Variants in TEAD1 observed in about 807,000 individuals in gnomAD.
TEAD1 encodes TEA domain transcription factor 1.
A neutral mutation model predicts 54.9 loss-of-function variants in TEAD1; 9 were observed. The observed-to-expected ratio is 0.16, with a 90% confidence interval of 0.10 to 0.29. The LOEUF (loss-of-function observed/expected upper bound fraction) is 0.29, where lower values mean the gene tolerates loss of function less well. TEAD1 is among the 10% of genes least tolerant of loss of function. The pLI is 1.00. For synonymous variants in TEAD1, 200 were observed against 187.8 expected (o/e 1.07, Z -0.53); for missense variants, 387 against 535.9 (o/e 0.72, Z 2.74).
intron 3 of TEAD1, among the ~76,000 whole-genome samples, chr11:12,815,844 C>T (rs1458253409): frequency 1.3e-5 from 2 of 152,150 alleles, no homozygotes; most frequent in East Asian, 1.9e-4. Flanking sequence ...TTGTTGCCTG[C>T]GGGTACAGAT....
intron 2 of TEAD1, among the ~76,000 whole-genome samples, chr11:12,715,225 G>T (rs1944030374): frequency 2.0e-5 from 3 of 152,042 alleles, no homozygotes; most frequent in African/African-American, 7.2e-5. Flanking sequence ...CCTTATTCCT[G>T]TAAATTCCAT....
At chr11:12,739,237 T>TC (rs1944601452) in intron 2 of TEAD1, among the ~76,000 whole-genome samples, 1 of 151,144 alleles carries the variant, frequency 6.6e-6, no homozygotes, top group Non-Finnish European at 1.5e-5. Flanking sequence ...TCTATCTATC[T>TC]ATCTATCAGT....
At chr11:12,820,027 A>G (rs980150101) in intron 3 of TEAD1, among the ~76,000 whole-genome samples, 43 of 8,874 alleles carry the variant, frequency 4.8e-3, no homozygotes, top group Admixed American at 0.018. Flanking sequence ...GGCCTGGGGC[A>G]GGGAGTTGTG....
At chr11:12,690,110 G>A (rs994814175) in intron 2 of TEAD1, among the ~76,000 whole-genome samples, 2 of 151,712 alleles carry the variant, frequency 1.3e-5, no homozygotes, top group African/African-American at 2.4e-5. Context: ...GCGTGGTGGC[G>A]GCCGCCTGTA....
chr11:12,837,349 C>T (rs1449978237), intron 3 of TEAD1, among the ~76,000 whole-genome samples: 2 of 152,130 alleles, frequency 1.3e-5, no homozygotes, highest in Non-Finnish European at 2.9e-5. Flanking sequence ...CTGCCCTGGG[C>T]CAGGCATCGG....
Position 12,809,974 on chromosome 11 carries a change from C to CTTTT in TEAD1, c.202+45561_202+45564dup, listed in dbSNP as rs55647097. ...AAAGAAAGAAAACTCTTTCCCCATT[C>CTTTT]TTTTTTTTTTTTTTTTTTTTTTTTG... On this transcript the variant is annotated intron_variant, in intron 3 of 12. Transcript: ENST00000527636. Among the ~76,000 whole-genome samples the CTTTT allele has an allele frequency of 6.1e-3, 710 of 115,502 alleles. 29 individuals are homozygous for CTTTT. Among genetic ancestry groups the CTTTT allele is most frequent in the African/African-American group, 0.022 (594 of 26,964 alleles). 75.8% of individuals were successfully genotyped at this position (115,502 alleles called of 152,430 possible).
intron 9 of TEAD1, among the ~76,000 whole-genome samples, chr11:12,886,118 A>C (rs1196730825): frequency 6.6e-6 from 1 of 152,222 alleles, no homozygotes; most frequent in Non-Finnish European, 1.5e-5. Flanking sequence ...ACAGGGAGAG[A>C]ATAAGGGAGC....
chr11:12,874,178 T>C (rs1181518119), intron 5 of TEAD1, among the ~76,000 whole-genome samples: 1 of 152,258 alleles, frequency 6.6e-6, no homozygotes. Context: ...TATCATATAT[T>C]GTATATGCAA....
chr11:12,784,236 C>T (rs1945627188), intron 3 of TEAD1, among the ~76,000 whole-genome samples: 1 of 152,054 alleles, frequency 6.6e-6, no homozygotes, highest in African/African-American at 2.4e-5. Flanking sequence ...GATGGCAGTG[C>T]CATTTATAGA....
intron 10 of TEAD1, among the ~76,000 whole-genome samples, chr11:12,920,043 CAG>C (rs1948776065): frequency 6.6e-6 from 1 of 152,150 alleles, no homozygotes; most frequent in Non-Finnish European, 1.5e-5. Flanking sequence ...GATGAGGAAA[CAG>C]AACTTTTTTT....
intron 10 of TEAD1, among the ~76,000 whole-genome samples, chr11:12,903,805 C>T (rs936810599): frequency 2.0e-5 from 3 of 152,064 alleles, no homozygotes; most frequent in African/African-American, 7.2e-5. Context: ...GAGCAAGACC[C>T]TGTTCCAAAA....
chr11:12,694,175 A>AATC (rs1943526363), intron 2 of TEAD1, among the ~76,000 whole-genome samples: 1 of 152,200 alleles, frequency 6.6e-6, no homozygotes, highest in Non-Finnish European at 1.5e-5. Flanking sequence ...TGTTCCAGTG[A>AATC]ATCCTAAAAC....
At chr11:12,744,983 A>C (rs186498014) in intron 2 of TEAD1, among the ~76,000 whole-genome samples, 1 of 152,170 alleles carries the variant, frequency 6.6e-6, no homozygotes, top group East Asian at 1.9e-4. Context: ...TCTGCTGGCT[A>C]ACCTTGTCGG....
chr11:12,852,788 A>G (rs556748191), intron 3 of TEAD1, among the ~76,000 whole-genome samples: 71 of 152,224 alleles, frequency 4.7e-4, no homozygotes, highest in African/African-American at 1.7e-3. Context: ...ATGGGATACC[A>G]AGATGTGAAA....
intron 2 of TEAD1, among the ~76,000 whole-genome samples, chr11:12,696,995 G>C (rs947756547): frequency 1.3e-5 from 2 of 152,168 alleles, no homozygotes; most frequent in Non-Finnish European, 2.9e-5. Flanking sequence ...TCTGCTGCCT[G>C]GTGTGCCCTG....
chr11:12,766,534 G>A (rs1202005783), intron 3 of TEAD1, among the ~76,000 whole-genome samples: 1 of 152,100 alleles, frequency 6.6e-6, no homozygotes, highest in Non-Finnish European at 1.5e-5. Context: ...TGATGTCCAT[G>A]GGTCCTTTGG....
intron 10 of TEAD1, among the ~76,000 whole-genome samples, chr11:12,917,188 C>T (rs1361879908): frequency 2.6e-5 from 4 of 152,124 alleles, no homozygotes; most frequent in Non-Finnish European, 5.9e-5. Flanking sequence ...AAAAGACATC[C>T]AGAGAGACGA....
chr11:12,882,062 C>G (rs1442645158), intron 8 of TEAD1, 105 bp downstream of exon 8: 1 of 1,230,126 alleles, frequency 8.1e-7, no homozygotes, highest in African/African-American at 1.5e-5. Context: ...TTTGCCACAG[C>G]CGCACATTGC....
intron 3 of TEAD1, among the ~76,000 whole-genome samples, chr11:12,847,155 A>T (rs897269656): frequency 6.6e-6 from 1 of 152,176 alleles, no homozygotes; most frequent in Non-Finnish European, 1.5e-5. Flanking sequence ...CCCATGAGCC[A>T]TGATGTCATA....
Sources: gnomAD v4.1 joint callset for allele counts (sites outside exome capture counted in the v4.1 genomes callset) on GRCh38, gnomAD v4.1.1 for gene constraint, MANE v1.5 for transcripts, NCBI Gene and HGNC (gene_info 2026-07-23, HGNC 2026-07-21) for gene names.